Variants in TNRC18 observed in about 807,000 individuals in gnomAD.
TNRC18 encodes the protein trinucleotide repeat containing 18.
In TNRC18, 69 loss-of-function variants were observed where a neutral mutation model predicts 226.7. The observed-to-expected ratio is 0.30, with a 90% CI of 0.25 to 0.37. TNRC18 has a LOEUF of 0.37. Among genes scored for constraint, TNRC18 ranks in the 10% least tolerant of loss-of-function variants. The probability of loss-of-function intolerance (pLI) is 1.00; values close to 1 mark genes in which losing one functional copy is unlikely to be tolerated. For missense variants in TNRC18, 4,754 were observed against 4,256.6 expected (o/e 1.12, Z -3.25); for synonymous variants, 2,449 against 1,927.6 (o/e 1.27, Z -7.09).
At chr7:5,336,975 A>G (rs150492307) in intron 18 of TNRC18, among the ~76,000 whole-genome samples, 1 of 152,228 alleles carries the variant, frequency 6.6e-6, no homozygotes. Flanking sequence ...CTTTTCCTCA[A>G]TAGCTGAAAT....
intron 18 of TNRC18, among the ~76,000 whole-genome samples, chr7:5,342,496 C>G (rs962948329): frequency 6.6e-6 from 1 of 151,666 alleles, no homozygotes; most frequent in Non-Finnish European, 1.5e-5. Context: ...AGGCTCAAGA[C>G]TTCACTGGAG....
intron 2 of TNRC18, among the ~76,000 whole-genome samples, chr7:5,395,669 G>T (rs938025637): frequency 6.6e-6 from 1 of 152,254 alleles, no homozygotes; most frequent in Non-Finnish European, 1.5e-5. Flanking sequence ...GGGAATGATA[G>T]GGAAGGAAGC....
Position 5,352,289 on chromosome 7 carries a change from C to G in TNRC18, c.5195-195G>C, listed in dbSNP as rs552037152. On this transcript the variant is annotated intron_variant, in intron 16 of 29. Transcript: ENST00000430969. The stretch of plus-strand genomic sequence containing the variant: ...TCCCAGTCCAGGCTTCTCCCTTGCC[C>G]TGGGTGCCTCGGTCATTGCATGGCA... Among the ~76,000 whole-genome samples, 12 of 152,360 alleles carry G rather than the reference C, an allele frequency of 7.9e-5. No individual in the cohort carries two copies. In the East Asian group the frequency reaches 2.3e-3, roughly 29 times the overall value.
chr7:5,357,808 AT>A (rs900549850), intron 15 of TNRC18, among the ~76,000 whole-genome samples: 12 of 152,130 alleles, frequency 7.9e-5, no homozygotes, highest in Non-Finnish European at 1.6e-4. Flanking sequence ...ACTCTGTAAA[AT>A]GGGGGTACTT....
chr7:5,315,244 G>A (rs36021023), intron 25 of TNRC18, 96 bp from the exon 26 acceptor site: 24,808 of 1,342,348 alleles, frequency 0.018, 275 homozygotes, highest in South Asian at 0.029. Context: ...GGATGGGGGC[G>A]GAAGCAACCG....
chr7:5,419,138 G>A (rs1782378034), intron 2 of TNRC18, among the ~76,000 whole-genome samples: 1 of 152,244 alleles, frequency 6.6e-6, no homozygotes, highest in Non-Finnish European at 1.5e-5. Context: ...CGAGGCTGGT[G>A]GCTTGGCCTT....
At chr7:5,375,126 G>A (rs917796594) in intron 9 of TNRC18, among the ~76,000 whole-genome samples, 22 of 151,042 alleles carry the variant, frequency 1.5e-4, no homozygotes, top group African/African-American at 4.7e-4. Flanking sequence ...CCAACATGGC[G>A]AAACCCCATC....
intron 21 of TNRC18, among the ~76,000 whole-genome samples, chr7:5,321,498 G>A (rs2128113960): frequency 6.6e-6 from 1 of 152,156 alleles, no homozygotes; most frequent in South Asian, 2.1e-4. Context: ...TGCACCTGCT[G>A]CCTCTTCCCA....
chr7:5,326,414 G>T (rs1361074973), intron 19 of TNRC18, among the ~76,000 whole-genome samples: 1 of 152,052 alleles, frequency 6.6e-6, no homozygotes, highest in Non-Finnish European at 1.5e-5. Context: ...GATGAGAAGG[G>T]CCTGTAGGCT....
intron 2 of TNRC18, among the ~76,000 whole-genome samples, chr7:5,405,020 G>A (rs1781370055): frequency 6.6e-6 from 1 of 152,060 alleles, no homozygotes; most frequent in African/African-American, 2.4e-5. Context: ...GGGAGGCTGA[G>A]GCAGGAGAAC....
intron 2 of TNRC18, among the ~76,000 whole-genome samples, chr7:5,416,113 A>G (rs1446257802): frequency 1.1e-5 from 1 of 87,982 alleles, no homozygotes; most frequent in Non-Finnish European, 2.5e-5. Context: ...CTCTCTCGCA[A>G]AAAAAAAAAA....
At chr7:5,382,611 C>T (rs921860799) in intron 5 of TNRC18, among the ~76,000 whole-genome samples, 3 of 152,148 alleles carry the variant, frequency 2.0e-5, no homozygotes, top group Non-Finnish European at 2.9e-5. Flanking sequence ...GGCGTACACC[C>T]GGCTCTGCAC....
At chr7:5,368,055 A>AG (rs1248977517) in intron 11 of TNRC18, among the ~76,000 whole-genome samples, 1 of 151,704 alleles carries the variant, frequency 6.6e-6, no homozygotes, top group Non-Finnish European at 1.5e-5. Flanking sequence ...AACGGAGAAA[A>AG]AAAAAAAACA....
intron 1 of TNRC18, chr7:5,422,919 C>T (rs1465769758): frequency 6.6e-6 from 1 of 152,184 alleles, no homozygotes; most frequent in East Asian, 1.9e-4. Flanking sequence ...GGGTAGCTTT[C>T]TTTAAAAGCC....
chr7:5,335,945 A>G (rs1027658401), intron 18 of TNRC18, among the ~76,000 whole-genome samples: 6 of 151,196 alleles, frequency 4.0e-5, no homozygotes, highest in East Asian at 1.9e-4. Context: ...AGTGGCTCAC[A>G]CCTATAATCC....
intron 18 of TNRC18, 45 bp downstream of exon 18, chr7:5,345,517 G>GGGGGAGA: frequency 2.6e-6 from 1 of 377,744 alleles, no homozygotes; most frequent in Non-Finnish European, 4.8e-6. Flanking sequence ...AATGGCGTCC[G>GGGGGAGA]CCCCTCCCAC....
At chr7:5,407,021 G>A (rs1257670243) in intron 2 of TNRC18, 4 of 152,186 alleles carry the variant, frequency 2.6e-5, no homozygotes, top group African/African-American at 9.7e-5. Context: ...GGGACCTGGG[G>A]GTGGGCGTCT....
chr7:5,320,662 C>T (rs1788259430), intron 22 of TNRC18, 55 bp from the exon 23 acceptor site: 2 of 1,492,110 alleles, frequency 1.3e-6, no homozygotes, highest in South Asian at 2.4e-5. Flanking sequence ...CCCAGAGGGC[C>T]TCAATCCCAC....
Position 5,371,189 on chromosome 7 carries a change from C to T in TNRC18, c.3405G>A (p.Leu1135=), listed in dbSNP as rs1794122362. 6.2e-7 allele frequency: 1 copy of T among 1,605,204 alleles called. No individual in the cohort carries two copies. The highest frequency in any genetic ancestry group is 1.3e-5 in the African/African-American group (1 of 74,744). The change falls in exon 11 of 30, where the codon TTG becomes TTA. Residue 1135 remains leucine (L), a synonymous_variant. Coordinates refer to ENST00000430969, the MANE Select transcript of TNRC18 (RefSeq NM_001080495.3). ...GCGGCTCTGTGATCTTGGAGGGGGA[C>T]AAGCGGATGGGCTTGTCTTCGGGTG... ...ALSPEDKPIR[L]SPSKITEPLR...
Sources: gnomAD v4.1 joint callset for allele counts (sites outside exome capture counted in the v4.1 genomes callset) on GRCh38, gnomAD v4.1.1 for gene constraint, MANE v1.5 for transcripts, NCBI Gene and HGNC (gene_info 2026-07-23, HGNC 2026-07-21) for gene names.